Variants in IPO11 observed in about 807,000 individuals in gnomAD.
IPO11 encodes the protein importin 11.
In IPO11, 66 loss-of-function variants were observed where a neutral mutation model predicts 143.2. The observed-to-expected ratio is 0.46, with a 90% CI of 0.38 to 0.57. The LOEUF (loss-of-function observed/expected upper bound fraction) is 0.57, where lower values mean the gene tolerates loss of function less well. IPO11 is among the 20% of genes least tolerant of loss of function. The pLI, the probability that IPO11 is intolerant of heterozygous loss-of-function variation, is 0.00. For synonymous variants in IPO11, 385 were observed against 377.8 expected, an observed-to-expected ratio of 1.02 and a Z score of -0.22; for missense variants, 1,026 against 1,141.0, an observed-to-expected ratio of 0.90 and a Z score of 1.45.
intron 26 of IPO11, 54 bp downstream of exon 26, chr5:62,551,390 A>C (rs1743386095): frequency 1.0e-6 from 1 of 959,908 alleles, no homozygotes; most frequent in African/African-American, 1.7e-5. Context: ...TATAAATTAG[A>C]AATAGTTTGA....
chr5:62,523,202 G>A (rs1742258810), intron 20 of IPO11, among the ~76,000 whole-genome samples: 1 of 151,944 alleles, frequency 6.6e-6, no homozygotes, highest in African/African-American at 2.4e-5. Flanking sequence ...TCTGTTTTTA[G>A]TTCTTTTTTT....
intron 27 of IPO11, chr5:62,580,885 C>T (rs898800957): frequency 1.9e-6 from 3 of 1,551,198 alleles, no homozygotes; most frequent in South Asian, 2.4e-5. Flanking sequence ...AGCAGTGTTA[C>T]CTGTGCAAAT....
chr5:62,556,774 T>C (rs1267072238), intron 26 of IPO11, among the ~76,000 whole-genome samples: 2 of 152,196 alleles, frequency 1.3e-5, no homozygotes, highest in South Asian at 2.1e-4. Context: ...CAACCTACTT[T>C]TTATTACTTC....
intron 29 of IPO11, among the ~76,000 whole-genome samples, chr5:62,620,351 C>T (rs1746303811): frequency 6.6e-6 from 1 of 152,034 alleles, no homozygotes; most frequent in South Asian, 2.1e-4. Context: ...AACCCCATCT[C>T]TCCTAAAAAT....
chr5:62,422,751 A>G (rs745475300), intron 1 of IPO11, among the ~76,000 whole-genome samples: 4 of 152,188 alleles, frequency 2.6e-5, no homozygotes, highest in Non-Finnish European at 4.4e-5. Flanking sequence ...TCTTCCTCTC[A>G]CAGGTCTGCC....
chr5:62,414,834 G>T (rs577569089), intron 1 of IPO11, among the ~76,000 whole-genome samples: 1 of 152,106 alleles, frequency 6.6e-6, no homozygotes, highest in African/African-American at 2.4e-5. Context: ...TGCACAAACC[G>T]GTATAAAAAT....
At chr5:62,458,547 C>T (rs933166285) in intron 5 of IPO11, among the ~76,000 whole-genome samples, 8 of 152,162 alleles carry the variant, frequency 5.3e-5, no homozygotes, top group Admixed American at 2.6e-4. Context: ...ATGATCTGCC[C>T]GCCTTGACCT....
At chr5:62,452,661 T>TCG in intron 5 of IPO11, among the ~76,000 whole-genome samples, 1 of 89,124 alleles carries the variant, frequency 1.1e-5, no homozygotes, top group Middle Eastern at 5.3e-3. Flanking sequence ...GGTTTTGGGT[T>TCG]CGTGTGTGTG....
At chr5:62,518,877 A>G (rs1232763019) in intron 20 of IPO11, among the ~76,000 whole-genome samples, 2 of 152,236 alleles carry the variant, frequency 1.3e-5, no homozygotes, top group Non-Finnish European at 2.9e-5. Flanking sequence ...AATGTGCAAT[A>G]CAGGGTAATA....
At chr5:62,510,779 A>T (rs934284591) in intron 19 of IPO11, among the ~76,000 whole-genome samples, 6 of 151,962 alleles carry the variant, frequency 3.9e-5, no homozygotes, top group Non-Finnish European at 8.8e-5. Context: ...TTTGTCACCC[A>T]AGCTAGAGTG....
chr5:62,544,232 G>A (rs546963736), intron 24 of IPO11, among the ~76,000 whole-genome samples: 1 of 152,166 alleles, frequency 6.6e-6, no homozygotes, highest in African/African-American at 2.4e-5. Context: ...GAATCCAGCA[G>A]CACATCAAAA....
intron 3 of IPO11, among the ~76,000 whole-genome samples, chr5:62,445,809 G>A (rs962751578): frequency 7.9e-5 from 12 of 152,092 alleles, no homozygotes; most frequent in African/African-American, 2.9e-4. Context: ...TGTATTTACT[G>A]TGGGTTTTTC....
At chr5:62,455,792 T>G (rs1745126602) in intron 5 of IPO11, among the ~76,000 whole-genome samples, 1 of 152,112 alleles carries the variant, frequency 6.6e-6, no homozygotes, top group Non-Finnish European at 1.5e-5. Flanking sequence ...AGGTGCTGTC[T>G]TGGCTCACTA....
At chr5:62,596,268 CA>C (rs71608515) in intron 28 of IPO11, among the ~76,000 whole-genome samples, 97 of 95,614 alleles carry the variant, frequency 1.0e-3, no homozygotes, top group Admixed American at 1.2e-3. Flanking sequence ...GGCCCTGTCT[CA>C]AAAAAAAAAA....
chr5:62,543,391 A>C (rs180883787), intron 24 of IPO11, among the ~76,000 whole-genome samples: 2 of 152,128 alleles, frequency 1.3e-5, no homozygotes, highest in Admixed American at 1.3e-4. Context: ...CAGGGATTCA[A>C]CTTCTTCCTG....
chr5:62,571,396 G>C (rs1478680272), intron 27 of IPO11, among the ~76,000 whole-genome samples: 1 of 152,148 alleles, frequency 6.6e-6, no homozygotes, highest in Non-Finnish European at 1.5e-5. Flanking sequence ...GGCTTATTAT[G>C]ATAAATTGGA....
intron 24 of IPO11, among the ~76,000 whole-genome samples, chr5:62,541,259 T>C (rs1023091236): frequency 4.0e-5 from 6 of 151,184 alleles, no homozygotes; most frequent in African/African-American, 1.5e-4. Flanking sequence ...TAATCCCAGC[T>C]ACTTGGGAGG....
chr5:62,489,430 G>A, intron 14 of IPO11, 81 bp downstream of exon 14: 1 of 1,002,090 alleles, frequency 1.0e-6, no homozygotes, highest in Non-Finnish European at 1.5e-6. Context: ...TTTGTGCTGA[G>A]GGTGTTGAGA....
At chr5:62,566,774 A>G (rs528649634) in intron 27 of IPO11, among the ~76,000 whole-genome samples, 1 of 152,104 alleles carries the variant, frequency 6.6e-6, no homozygotes, top group South Asian at 2.1e-4. Flanking sequence ...TATAATTCAT[A>G]AAGATATGAG....
Sources: allele counts gnomAD v4.1 joint callset (sites outside exome capture counted in the v4.1 genomes callset), GRCh38; gene constraint gnomAD v4.1.1; transcripts MANE v1.5; gene names NCBI Gene and HGNC (gene_info 2026-07-23, HGNC 2026-07-21).